WDR18: variants seen among roughly 807,000 people sequenced by gnomAD.
WDR18 encodes the protein WD repeat-containing protein 18.
In WDR18, 33 loss-of-function variants were observed where a neutral mutation model predicts 49.6. The ratio of observed to expected loss-of-function variants is 0.67; its 90% CI spans 0.50 to 0.89. The LOEUF (loss-of-function observed/expected upper bound fraction) is 0.89, where lower values mean the gene tolerates loss of function less well. Among genes scored for constraint, WDR18 ranks in the 40% least tolerant of loss-of-function variants. The probability of loss-of-function intolerance (pLI) is 0.00; values close to 1 mark genes in which losing one functional copy is unlikely to be tolerated. For synonymous variants in WDR18, 315 were observed against 263.6 expected (o/e 1.19, Z -1.89); for missense variants, 653 against 593.6 (o/e 1.10, Z -1.04).
chr19:983,756 T>C (rs1412092760), upstream of WDR18, among the ~76,000 whole-genome samples: 1 of 150,388 alleles, frequency 6.6e-6, no homozygotes, highest in Non-Finnish European at 1.5e-5. Flanking sequence ...AAGGAAACAC[T>C]GGGCCGGGCG....
chr19:989,943 C>G (rs747037726), intron 3 of WDR18, 48 bp downstream of exon 3: 2 of 1,550,134 alleles, frequency 1.3e-6, no homozygotes, highest in Admixed American at 1.9e-5. Context: ...CACCCGGGCT[C>G]AGGCGGGGAG....
Position 994,208 on chromosome 19 carries a change from C to A in WDR18, c.1168-5C>A. 1 of 1,597,220 alleles carries A rather than the reference C, an allele frequency of 6.3e-7. No individual in the cohort carries two copies. The highest frequency in any genetic ancestry group is 8.5e-7 in the Non-Finnish European group (1 of 1,174,654). Reference sequence around the variant, plus strand: ...TCTGCCCTCTGACCCCGACTTCTCCCGCAGAGCGTGCTCGGCGGCCAGGAC... The same window carrying A: ...TCTGCCCTCTGACCCCGACTTCTCCAGCAGAGCGTGCTCGGCGGCCAGGAC... On this transcript the variant is annotated splice_region_variant and splice_polypyrimidine_tract_variant and intron_variant, in intron 9 of 9. Transcript: ENST00000585809.
At position 991,340 on chromosome 19, in the gene WDR18, T is replaced by C. The variant is rs2038545137; in HGVS notation, c.920T>C (p.Val307Ala). ...DVQSKQCIRTVALKGPVTNAA... is the reference protein window; with the variant it reads ...DVQSKQCIRTAALKGPVTNAA... ...CAGAGCAAGCAGTGCATCCGGACGG[T>C]GGCCCTCAAAGGTGGGCGCGCCTCT... is the stretch of plus-strand genomic sequence containing the variant. The change falls in exon 7 of 10, where the codon GTG (valine) becomes GCG (alanine). Residue 307 changes from valine to alanine, a missense_variant. Val to Ala is a moderately conservative substitution (Grantham distance 64). Coordinates refer to ENST00000585809, the MANE Select transcript of WDR18 (RefSeq NM_024100.4). 1 of 1,537,122 alleles carries C rather than the reference T, an allele frequency of 6.5e-7. No homozygotes were observed. Among genetic ancestry groups the C allele is most frequent in the Non-Finnish European group, 8.8e-7 (1 of 1,140,672 alleles).
chr19:994,064 C>T lies in WDR18; in HGVS notation c.1143C>T (p.Ala381=), dbSNP rs1042283657. 1.3e-5 allele frequency: 20 copies of T among 1,560,414 alleles called. No individual in the cohort carries two copies. Among genetic ancestry groups the T allele is most frequent in the South Asian group, 5.9e-5 (5 of 84,886 alleles). The part of the protein sequence containing the change: ...SYLDRTEQLQ[A]VLCSTMEKSV... ...TGGACCGCACGGAGCAGCTGCAGGC[C>T]GTCCTGTGCAGCACCATGGAGAAGG... The change falls in exon 9 of 10, where the codon GCC becomes GCT. Residue 381 remains alanine (A), a synonymous_variant. Transcript: ENST00000585809.
intron 7 of WDR18, 48 bp downstream of exon 7, chr19:991,399 C>G (rs1271224902): frequency 6.7e-7 from 1 of 1,483,542 alleles, no homozygotes; most frequent in Non-Finnish European, 9.0e-7. Context: ...GGGGAAAAAG[C>G]CAGCAGGAGC....
At chr19:989,955 G>A (rs1301436639) in intron 3 of WDR18, 60 bp downstream of exon 3, 1 of 1,537,890 alleles carries the variant, frequency 6.5e-7, no homozygotes, top group Non-Finnish European at 8.7e-7. Flanking sequence ...GGCGGGGAGA[G>A]GAGGCGCCAA....
chr19:990,692 C>T lies in WDR18; in HGVS notation c.598-160C>T. On this transcript the variant is annotated intron_variant, in intron 4 of 9. Coordinates refer to ENST00000585809, the MANE Select transcript of WDR18 (RefSeq NM_024100.4). ...GCTCCATTTCAGCACAGGCCATGTC[C>T]CCTGGCCCCCAAGACCCACATGGTG... 4 of 1,123,404 alleles carry T rather than the reference C, an allele frequency of 3.6e-6. No homozygotes were observed. In the South Asian group the frequency reaches 5.1e-5, roughly 14 times the overall value. The allele number at this position is 1,123,404 out of a possible 1,614,324, so 69.6% of individuals were successfully genotyped here.
intron 2 of WDR18, among the ~76,000 whole-genome samples, chr19:988,130 C>G (rs1230299988): frequency 7.0e-6 from 1 of 143,844 alleles, no homozygotes; most frequent in Non-Finnish European, 1.6e-5. Context: ...GCAGCTGGCC[C>G]TCCTGGAGAG....
chr19:991,801 C>T (rs1224973871), intron 7 of WDR18, among the ~76,000 whole-genome samples, 154 bp from the exon 8 acceptor site: 1 of 90,246 alleles, frequency 1.1e-5, no homozygotes, highest in Non-Finnish European at 2.1e-5. Context: ...GGGGCGTGGA[C>T]TGGTCGTGGG....
At position 992,110 on chromosome 19, in the gene WDR18, C is replaced by G; in HGVS notation, c.1087C>G (p.Leu363Val). 1 of 1,492,674 alleles carries G rather than the reference C, an allele frequency of 6.7e-7. No homozygotes were observed. Among genetic ancestry groups the G allele is most frequent in the Non-Finnish European group, 8.9e-7 (1 of 1,126,156 alleles). The allele number at this position is 1,492,674 out of a possible 1,614,324, so 92.5% of individuals were successfully genotyped here. Residue 363 changes from leucine (L) to valine (V), a missense_variant, in exon 8 of 10, where the codon CTC (leucine) becomes GTC (valine). Transcript: ENST00000585809. ...RHGGLTLRLG[L>V]HQQGSEPSYL... is the part of the protein sequence containing the mutation. ...CGGGGGCCTCACTCTGCGCCTGGGC[C>G]TCCACCAGCAGGTACGGCCCCCAGC...
At chr19:989,921 C>T (rs763763175) in intron 3 of WDR18, 26 bp downstream of exon 3, 6 of 1,573,156 alleles carry the variant, frequency 3.8e-6, no homozygotes, top group Non-Finnish European at 5.2e-6. Flanking sequence ...CTCAGGCCTG[C>T]ACCTGGAACT....
intron 2 of WDR18, among the ~76,000 whole-genome samples, chr19:986,237 A>G (rs959525484): frequency 6.6e-6 from 1 of 152,180 alleles, no homozygotes; most frequent in African/African-American, 2.4e-5. Flanking sequence ...ACACCGCAGC[A>G]TCTTCCAGGG....
chr19:988,018 C>T (rs112699113), intron 2 of WDR18, among the ~76,000 whole-genome samples: 14,013 of 151,636 alleles, frequency 0.092, 851 homozygotes, highest in South Asian at 0.21. Context: ...TTATTAGAGA[C>T]GGAGTTTTGC....
chr19:985,895 G>A lies in WDR18; in HGVS notation c.241G>A (p.Gly81Arg), dbSNP rs777046847. 8.1e-6 allele frequency: 13 copies of A among 1,613,764 alleles called. No homozygotes were observed. The East Asian group carries it at 8.9e-5, about 11-fold the overall frequency. Reference protein sequence around the residue: ...DQLQQKIMCPGPVTCLTASPN... With the variant: ...DQLQQKIMCPRPVTCLTASPN... ...GCTCCAGCAGAAGATCATGTGCCCCGGGCCTGTCACCTGTCTGACTGCATC... is the reference window on the plus strand; with the variant it reads ...GCTCCAGCAGAAGATCATGTGCCCCAGGCCTGTCACCTGTCTGACTGCATC... The change falls in exon 2 of 10, where the codon GGG becomes AGG. Residue 81 changes from glycine to arginine, a missense_variant. Gly to Arg is a moderately radical substitution (Grantham distance 125, BLOSUM62 -2). Coordinates refer to ENST00000585809, the MANE Select transcript of WDR18 (RefSeq NM_024100.4).
Position 984,401 on chromosome 19 carries a change from G to T in WDR18, c.48G>T (p.Pro16=). 6.2e-7 allele frequency: 1 copy of T among 1,602,518 alleles called. No individual in the cohort carries two copies. The change falls in exon 1 of 10, where the codon CCG becomes CCT. Residue 16 remains proline, a synonymous_variant. Coordinates refer to ENST00000585809, the MANE Select transcript of WDR18 (RefSeq NM_024100.4). The part of the protein sequence containing the change: ...EVAVCTDSAA[P]MWSCIVWELH... ...CCGTGTGTACGGACTCGGCGGCCCC[G>T]ATGTGGAGCTGCATCGTGTGGGAAC... is the stretch of plus-strand genomic sequence containing the variant.
intron 7 of WDR18, among the ~76,000 whole-genome samples, chr19:991,713 GGGGCGGGGCCTGGCTGGGA>G (rs1181652888): frequency 1.9e-3 from 9 of 4,674 alleles, no homozygotes; most frequent in Non-Finnish European, 3.6e-3. Context: ...TGGCTGGGAC[GGGGCGGGGCCTGGCTGGGA>G]CGGGGCGGGG....
rs997299426 is a variant in WDR18 at position 994,466 on chromosome 19, G to C, written c.*122G>C. On this transcript the variant is annotated 3_prime_UTR_variant, in exon 10 of 10. Coordinates refer to ENST00000585809, the MANE Select transcript of WDR18 (RefSeq NM_024100.4). ...CTCTCCTCAGTTCTGTGTCGTGTTC[G>C]GGTTTTTCCTCTGTGACTGGGCCGT... The C allele has an allele frequency of 2.9e-6, 4 of 1,390,668 alleles. No homozygotes were observed. Among genetic ancestry groups the C allele is most frequent in the Non-Finnish European group, 3.8e-6 (4 of 1,047,896 alleles). 86.1% of individuals were successfully genotyped at this position (1,390,668 alleles called of 1,614,324 possible).
Position 985,962 on chromosome 19 carries a change from T to C in WDR18, c.308T>C (p.Ile103Thr). ...GTCCTGGCAGGAGTTGCAGAAAGCA[T>C]CCACCTGTGGGAGGTAAGAGGAGCA... The part of the protein sequence containing the change: ...LYVLAGVAES[I>T]HLWEVSTGNL... Residue 103 changes from isoleucine to threonine, a missense_variant, in exon 2 of 10, where the codon ATC (isoleucine) becomes ACC (threonine). Physicochemically the swap from Ile to Thr is moderately conservative, Grantham distance 89. Transcript: ENST00000585809. 1 of 1,613,646 alleles carries C rather than the reference T, an allele frequency of 6.2e-7. No homozygotes were observed. The highest frequency in any genetic ancestry group is 8.5e-7 in the Non-Finnish European group (1 of 1,179,926).
chr19:986,336 C>T (rs760084347), intron 2 of WDR18, among the ~76,000 whole-genome samples: 14 of 152,192 alleles, frequency 9.2e-5, no homozygotes, highest in South Asian at 4.1e-4. Context: ...TGGCTCATGC[C>T]GGTAGTCAAT....
Sources: allele counts gnomAD v4.1 joint callset (sites outside exome capture counted in the v4.1 genomes callset), GRCh38; gene constraint gnomAD v4.1.1; transcripts MANE v1.5; gene names NCBI Gene and HGNC (gene_info 2026-07-23, HGNC 2026-07-21).